SERPINB9: variants seen among roughly 807,000 people sequenced by gnomAD.
The protein encoded by SERPINB9 is serpin B9.
Under a neutral mutation model 27.2 loss-of-function variants are expected in SERPINB9, and 20 were observed. The ratio of observed to expected loss-of-function variants is 0.74; its 90% CI spans 0.52 to 1.07. The LOEUF is 1.07. Among genes scored for constraint, SERPINB9 ranks in the 50% least tolerant of loss-of-function variants. The probability of loss-of-function intolerance (pLI) is 0.00; values close to 1 mark genes in which losing one functional copy is unlikely to be tolerated. For synonymous variants in SERPINB9, 189 were observed against 180.0 expected, an observed-to-expected ratio of 1.05 and a Z score of -0.40; for missense variants, 476 against 460.1, an observed-to-expected ratio of 1.03 and a Z score of -0.32.
Position 2,890,035 on chromosome 6 carries a change from G to C in SERPINB9, c.*128C>G. 1 of 800,498 alleles carries C rather than the reference G, an allele frequency of 1.2e-6. No homozygotes were observed. The highest frequency in any genetic ancestry group is 2.9e-5 in the Admixed American group (1 of 34,394). The allele number at this position is 800,498 out of a possible 1,614,324, so 49.6% of individuals were successfully genotyped here. ...ATGAATTCATGCTGGCAAATCATGA[G>C]GGCAGACAGGTAAAGAATCTGCCCT... On this transcript the variant is annotated 3_prime_UTR_variant, in exon 7 of 7. Coordinates refer to ENST00000380698, the MANE Select transcript of SERPINB9 (RefSeq NM_004155.6). This position sits in a 1 kb window ranked among gnomAD's most constrained non-coding sequence, Gnocchi z 6.2.
In SERPINB9 at chr6:2,891,624, CAG is replaced by C. The variant is rs1303215422; in HGVS notation, c.723+207_723+208del. ...CCCACTCCTTCTAGCGATGAAAAAA[CAG>C]AGGACTGAGATGTGTAGTTTGGCAG... is the stretch of plus-strand genomic sequence containing the variant. On this transcript the variant is annotated intron_variant, in intron 6 of 6. Coordinates refer to ENST00000380698, the MANE Select transcript of SERPINB9 (RefSeq NM_004155.6). The surrounding 1 kb of genome is among the most constrained non-coding windows in gnomAD (Gnocchi z 4.0). 3.9e-5 allele frequency among the ~76,000 whole-genome samples: 6 copies of C among 152,270 alleles called. No homozygotes were observed. Among genetic ancestry groups the C allele is most frequent in the East Asian group, 1.9e-4 (1 of 5,188 alleles).
At chr6:2,899,074 T>C (rs907745120) in intron 2 of SERPINB9, among the ~76,000 whole-genome samples, 1 of 152,146 alleles carries the variant, frequency 6.6e-6, no homozygotes, top group Non-Finnish European at 1.5e-5. Flanking sequence ...AAGCATCCAG[T>C]TGAACACTGG....
intron 2 of SERPINB9, among the ~76,000 whole-genome samples, chr6:2,896,701 A>G (rs1209205759): frequency 1.3e-5 from 2 of 152,268 alleles, no homozygotes; most frequent in African/African-American, 4.8e-5. Flanking sequence ...TCTGAAATAC[A>G]GAATTATATA....
At chr6:2,898,534 A>AG (rs1325993964) in intron 2 of SERPINB9, among the ~76,000 whole-genome samples, 2 of 152,236 alleles carry the variant, frequency 1.3e-5, no homozygotes, top group Non-Finnish European at 2.9e-5. Context: ...ATCAGGAAAT[A>AG]GGGCCGGGCG....
At position 2,891,868 on chromosome 6, in the gene SERPINB9, C is replaced by A. The variant is rs771550313; in HGVS notation, c.688G>T (p.Val230Leu). 6.2e-7 allele frequency: 1 copy of A among 1,610,584 alleles called. No homozygotes were observed. The highest frequency in any genetic ancestry group is 8.5e-7 in the Non-Finnish European group (1 of 1,179,580). Residue 230 changes from valine to leucine, a missense_variant, in exon 6 of 7, where the codon GTG (valine) becomes TTG (leucine). Val to Leu is a conservative substitution (Grantham distance 32). Coordinates refer to ENST00000380698, the MANE Select transcript of SERPINB9 (RefSeq NM_004155.6). The surrounding 1 kb of genome is among the most constrained non-coding windows in gnomAD (Gnocchi z 4.0). The part of the protein sequence containing the change: ...PYARKELSLL[V>L]LLPDDGVELS... ...TCCACGCCGTCGTCAGGCAGCAGCA[C>A]CAGCAGGCTCAGCTCCTTCCTGGCG...
rs1458026949 is a variant in SERPINB9, at chr6:2,890,620, C to T, written c.724-50G>A. The T allele has an allele frequency of 4.5e-6, 7 of 1,546,306 alleles. No individual in the cohort carries two copies. The highest frequency in any genetic ancestry group is 6.2e-6 in the Non-Finnish European group (7 of 1,135,600). ...AGATTCCGACTTCAGTGCACATGTA[C>T]AAGCGCACAGGCACTCACAGTTCCC... On this transcript the variant is annotated intron_variant, in intron 6 of 6. Coordinates refer to ENST00000380698, the MANE Select transcript of SERPINB9 (RefSeq NM_004155.6). The surrounding 1 kb of genome is among the most constrained non-coding windows in gnomAD (Gnocchi z 6.2).
chr6:2,890,597 A>G lies in SERPINB9; in HGVS notation c.724-27T>C. The G allele has an allele frequency of 6.3e-7, 1 of 1,588,190 alleles. No homozygotes were observed. The highest frequency in any genetic ancestry group is 8.6e-7 in the Non-Finnish European group (1 of 1,164,336). ...TGAAAGACCAGAATTAGACTTTAAG[A>G]TTCCGACTTCAGTGCACATGTACAA... On this transcript the variant is annotated intron_variant, in intron 6 of 6. Transcript: ENST00000380698. This position sits in a 1 kb window ranked among gnomAD's most constrained non-coding sequence, Gnocchi z 6.2.
At position 2,891,539 on chromosome 6, in the gene SERPINB9, A is replaced by T. The variant is rs1033202228; in HGVS notation, c.723+294T>A. 3.3e-5 allele frequency among the ~76,000 whole-genome samples: 5 copies of T among 152,168 alleles called. No homozygotes were observed. The highest frequency in any genetic ancestry group is 1.2e-4 in the African/African-American group (5 of 41,430). ...TTAAAAGTCTGCCATTCATCAAACTAGCAGGATTTTTATAAGCTTCCTCCT... is the reference window on the plus strand; with the variant it reads ...TTAAAAGTCTGCCATTCATCAAACTTGCAGGATTTTTATAAGCTTCCTCCT... On this transcript the variant is annotated intron_variant, in intron 6 of 6. Transcript: ENST00000380698. The surrounding 1 kb of genome is among the most constrained non-coding windows in gnomAD (Gnocchi z 4.0).
At chr6:2,893,630 T>C (rs1018435704) in intron 4 of SERPINB9, 77 bp from the exon 5 acceptor site, 2 of 1,307,018 alleles carry the variant, frequency 1.5e-6, no homozygotes, top group African/African-American at 3.0e-5. Context: ...GGATCATTAG[T>C]TGAGAAGCAA....
chr6:2,902,879 A>G (rs1768249205), intron 1 of SERPINB9, among the ~76,000 whole-genome samples: 1 of 152,140 alleles, frequency 6.6e-6, no homozygotes, highest in Non-Finnish European at 1.5e-5. Context: ...CGGATCCCAG[A>G]GCAGAGAAGA....
chr6:2,892,325 T>C (rs1195501106), intron 5 of SERPINB9, among the ~76,000 whole-genome samples: 3 of 152,154 alleles, frequency 2.0e-5, no homozygotes, highest in African/African-American at 7.2e-5. Context: ...CAAATTTGTT[T>C]TGATTTAATT....
rs1161563585 is a variant in SERPINB9 at position 2,891,294 on chromosome 6, CTTG to C, written c.723+536_723+538del. Among the ~76,000 whole-genome samples, 1 of 152,194 alleles carries C rather than the reference CTTG, an allele frequency of 6.6e-6. No homozygotes were observed. The highest frequency in any genetic ancestry group is 1.9e-4 in the East Asian group (1 of 5,204). On this transcript the variant is annotated intron_variant, in intron 6 of 6. Coordinates refer to ENST00000380698, the MANE Select transcript of SERPINB9 (RefSeq NM_004155.6). This position sits in a 1 kb window ranked among gnomAD's most constrained non-coding sequence, Gnocchi z 4.0. Reference sequence around the variant, plus strand: ...ACCTCCCTGGATGCCCCCTCCCAGCCTTGTTAGGTCAAAGTTAAGACTTCCTCA... The same window carrying C: ...ACCTCCCTGGATGCCCCCTCCCAGCCTTAGGTCAAAGTTAAGACTTCCTCA...
At position 2,890,836 on chromosome 6, in the gene SERPINB9, A is replaced by G. The variant is rs1767773917; in HGVS notation, c.724-266T>C. On this transcript the variant is annotated intron_variant, in intron 6 of 6. Coordinates refer to ENST00000380698, the MANE Select transcript of SERPINB9 (RefSeq NM_004155.6). This position sits in a 1 kb window ranked among gnomAD's most constrained non-coding sequence, Gnocchi z 6.2. ...CTCCTTATCCAACAACTCCAGAGAC[A>G]TCTTGTATTGTGACAAGTGTCAATG... Among the ~76,000 whole-genome samples, 1 of 152,118 alleles carries G rather than the reference A, an allele frequency of 6.6e-6. No homozygotes were observed. Among genetic ancestry groups the G allele is most frequent in the African/African-American group, 2.4e-5 (1 of 41,404 alleles).
At chr6:2,896,657 G>A (rs1416172850) in intron 2 of SERPINB9, among the ~76,000 whole-genome samples, 4 of 152,024 alleles carry the variant, frequency 2.6e-5, no homozygotes, top group Admixed American at 2.0e-4. Flanking sequence ...CACACATATT[G>A]GGCCATAAGA....
Position 2,894,154 on chromosome 6 carries a change from C to T in SERPINB9, c.425-601G>A, listed in dbSNP as rs1260108327. 6.6e-6 allele frequency among the ~76,000 whole-genome samples: 1 copy of T among 152,134 alleles called. No individual in the cohort carries two copies. The highest frequency in any genetic ancestry group is 1.5e-5 in the Non-Finnish European group (1 of 68,024). ...TGGTACTGTTTCAATGAACTGAGGG[C>T]ATCCCTGCTAACCCACTGCCTGAAG... On this transcript the variant is annotated intron_variant, in intron 4 of 6. Coordinates refer to ENST00000380698, the MANE Select transcript of SERPINB9 (RefSeq NM_004155.6). This position sits in a 1 kb window ranked among gnomAD's most constrained non-coding sequence, Gnocchi z 4.7.
intron 1 of SERPINB9, among the ~76,000 whole-genome samples, chr6:2,901,971 C>T (rs1768219549): frequency 6.6e-6 from 1 of 152,168 alleles, no homozygotes; most frequent in African/African-American, 2.4e-5. Context: ...CCTCAGAAAG[C>T]GGTGTCTTAA....
rs920147204 is a variant in SERPINB9, at chr6:2,894,946, G to T, written c.424+445C>A. On this transcript the variant is annotated intron_variant, in intron 4 of 6. Coordinates refer to ENST00000380698, the MANE Select transcript of SERPINB9 (RefSeq NM_004155.6). The surrounding 1 kb of genome is among the most constrained non-coding windows in gnomAD (Gnocchi z 4.7). ...TTTTAGTAGAGATGTTGGGCGGGGG[G>T]GGGTCCCACCATGTTGGTCAGGCTG... 6.6e-6 allele frequency among the ~76,000 whole-genome samples: 1 copy of T among 151,514 alleles called. No homozygotes were observed. Among genetic ancestry groups the T allele is most frequent in the Non-Finnish European group, 1.5e-5 (1 of 67,870 alleles).
intron 3 of SERPINB9, among the ~76,000 whole-genome samples, chr6:2,895,799 TA>T (rs542250218): frequency 4.3e-4 from 62 of 144,946 alleles, no homozygotes; most frequent in East Asian, 6.0e-4. Flanking sequence ...TTGCAGTCTT[TA>T]AAAAAAAAAA....
In SERPINB9 at chr6:2,901,852, C is replaced by A. The variant is rs556124520; in HGVS notation, c.-10-1231G>T. 2.0e-5 allele frequency among the ~76,000 whole-genome samples: 3 copies of A among 152,228 alleles called. No individual in the cohort carries two copies. In the South Asian group the frequency reaches 6.2e-4, roughly 32 times the overall value. Reference sequence around the variant, plus strand: ...TCTCCCTAGAGCCACTCCCCACTGTCGGGACACCTCATCTGTGCTCCCCAA... The same window carrying A: ...TCTCCCTAGAGCCACTCCCCACTGTAGGGACACCTCATCTGTGCTCCCCAA... On this transcript the variant is annotated intron_variant, in intron 1 of 6. Coordinates refer to ENST00000380698, the MANE Select transcript of SERPINB9 (RefSeq NM_004155.6).
Sources: allele counts gnomAD v4.1 joint callset (sites outside exome capture counted in the v4.1 genomes callset), GRCh38; gene constraint gnomAD v4.1.1; non-coding constraint Gnocchi (gnomAD v3.1); transcripts MANE v1.5; gene names NCBI Gene and HGNC (gene_info 2026-07-23, HGNC 2026-07-21).